The following SHANK2 variants were observed in gnomAD, a reference collection of about 807,000 sequenced individuals.
SHANK2 encodes the protein SH3 and multiple ankyrin repeat domains 2.
In SHANK2, 43 loss-of-function variants were observed where a neutral mutation model predicts 133.7. The observed-to-expected ratio is 0.32, with a 90% CI of 0.25 to 0.41. The LOEUF is 0.41. Ranked by LOEUF, SHANK2 falls within the 10% of genes least tolerant of loss-of-function variation. The pLI is 1.00. For synonymous variants in SHANK2, 1,017 were observed against 952.8 expected (o/e 1.07, Z -1.24); for missense variants, 1,994 against 2,235.8 (o/e 0.89, Z 2.18).
intron 17 of SHANK2, among the ~76,000 whole-genome samples, chr11:70,537,222 A>T (rs1315208410): frequency 6.6e-6 from 1 of 152,168 alleles, no homozygotes; most frequent in Non-Finnish European, 1.5e-5. Flanking sequence ...CGGAGGAGGG[A>T]AACCTCCCCC....
At chr11:70,763,100 T>C (rs920647618) in intron 14 of SHANK2, among the ~76,000 whole-genome samples, 2 of 152,268 alleles carry the variant, frequency 1.3e-5, no homozygotes, top group African/African-American at 2.4e-5. Context: ...GGGGAACTCA[T>C]TGGCTGTGCG....
intron 15 of SHANK2, among the ~76,000 whole-genome samples, chr11:70,677,192 T>A (rs1555017395): frequency 6.6e-6 from 1 of 152,082 alleles, no homozygotes; most frequent in Non-Finnish European, 1.5e-5. Context: ...ACCTGATGAG[T>A]GGATGTCTGA....
intron 14 of SHANK2, among the ~76,000 whole-genome samples, chr11:70,737,648 C>T (rs1591800263): frequency 1.3e-5 from 2 of 152,354 alleles, no homozygotes; most frequent in South Asian, 4.1e-4. Flanking sequence ...AGAGGGCAGC[C>T]CAGGCCCCAG....
At chr11:70,762,391 A>G (rs372531769) in intron 14 of SHANK2, among the ~76,000 whole-genome samples, 4 of 152,312 alleles carry the variant, frequency 2.6e-5, no homozygotes, top group East Asian at 1.9e-4. Context: ...CCAGACCAGC[A>G]GGATGCAGAG....
In SHANK2 at chr11:71,188,632, A is replaced by G. The variant is rs1953723363; in HGVS notation, c.-13+36065T>C. ...TGAAATTCACTGTGCCTATAACCCA[A>G]AGTCAAGATGAAACTGAGGTGTGGG... is the stretch of plus-strand genomic sequence containing the variant. On this transcript the variant is annotated intron_variant, in intron 2 of 25. Coordinates refer to ENST00000601538, the MANE Select transcript of SHANK2 (RefSeq NM_012309.5). The surrounding 1 kb of genome is among the most constrained non-coding windows in gnomAD (Gnocchi z 4.6). Among the ~76,000 whole-genome samples, 1 of 152,154 alleles carries G rather than the reference A, an allele frequency of 6.6e-6. No individual in the cohort carries two copies. Among genetic ancestry groups the G allele is most frequent in the Non-Finnish European group, 1.5e-5 (1 of 68,030 alleles).
chr11:70,767,078 G>A (rs1947138347), intron 14 of SHANK2, among the ~76,000 whole-genome samples: 1 of 152,188 alleles, frequency 6.6e-6, no homozygotes, highest in African/African-American at 2.4e-5. Context: ...GTTGCAGAGT[G>A]GGGACACAGA....
At chr11:71,194,350 T>G (rs1234278985) in intron 2 of SHANK2, among the ~76,000 whole-genome samples, 1 of 152,130 alleles carries the variant, frequency 6.6e-6, no homozygotes, top group Non-Finnish European at 1.5e-5. Flanking sequence ...AGCTGAGACC[T>G]GGGGACCTGG....
chr11:71,243,414 G>A (rs1178981518), intron 1 of SHANK2, among the ~76,000 whole-genome samples: 1 of 152,216 alleles, frequency 6.6e-6, no homozygotes, highest in Non-Finnish European at 1.5e-5. Flanking sequence ...AAGGAGTCAG[G>A]CCGGGCGTGG....
intron 17 of SHANK2, among the ~76,000 whole-genome samples, chr11:70,548,498 G>A (rs1591565061): frequency 6.6e-6 from 1 of 152,230 alleles, no homozygotes; most frequent in South Asian, 2.1e-4. Context: ...AGTTTAGTGG[G>A]AGGCTGGCCG....
chr11:71,072,950 A>G (rs1951161782), intron 9 of SHANK2, among the ~76,000 whole-genome samples: 1 of 151,990 alleles, frequency 6.6e-6, no homozygotes, highest in Admixed American at 6.6e-5. Context: ...AGATTAAGAG[A>G]GTTCTGGAGA....
chr11:70,727,752 G>T (rs1591791648), intron 14 of SHANK2, among the ~76,000 whole-genome samples: 1 of 152,216 alleles, frequency 6.6e-6, no homozygotes, highest in East Asian at 1.9e-4. Flanking sequence ...AAGGTCCCGG[G>T]TTGGGGGCCC....
chr11:70,639,906 G>C (rs1403299576), intron 17 of SHANK2, among the ~76,000 whole-genome samples: 1 of 152,182 alleles, frequency 6.6e-6, no homozygotes. Context: ...AGTGGACCCA[G>C]GGACGGCCCC....
chr11:71,087,608 CCATACG>C (rs1180122474), intron 8 of SHANK2, among the ~76,000 whole-genome samples: 2 of 152,128 alleles, frequency 1.3e-5, no homozygotes, highest in Non-Finnish European at 2.9e-5. Flanking sequence ...GCTTCGGGTC[CCATACG>C]CATTTAGCTG....
chr11:71,235,823 C>T (rs1489382548), intron 1 of SHANK2, among the ~76,000 whole-genome samples: 2 of 152,198 alleles, frequency 1.3e-5, no homozygotes, highest in Non-Finnish European at 2.9e-5. Context: ...CTATGTGACA[C>T]AGCCTGTGGG....
chr11:71,229,752 C>T lies in SHANK2; in HGVS notation c.-112-4956G>A, dbSNP rs191798384. On this transcript the variant is annotated intron_variant, in intron 1 of 25. Transcript: ENST00000601538. ...TCTAGCCTGGCAACAGAGTGAGACT[C>T]CATCTCAAAAAAGAAAAAAAAAAAA... 1.6e-3 allele frequency among the ~76,000 whole-genome samples: 223 copies of T among 136,206 alleles called. 1 individual carries two copies. Among genetic ancestry groups the T allele is most frequent in the African/African-American group, 6.2e-3 (210 of 34,122 alleles). The allele number at this position is 136,206 out of a possible 152,430, so 89.4% of individuals were successfully genotyped here. A position where few individuals can be genotyped will look rare whatever the true frequency, so the allele number is the denominator to read the frequency against.
At chr11:71,164,265 G>C (rs1311548357) in intron 2 of SHANK2, among the ~76,000 whole-genome samples, 65 of 152,196 alleles carry the variant, frequency 4.3e-4, no homozygotes, top group African/African-American at 1.4e-3. Flanking sequence ...TGGAGGGCTG[G>C]GGGATTAACT....
At chr11:70,899,259 T>C (rs1035878269) in intron 10 of SHANK2, among the ~76,000 whole-genome samples, 20 of 152,138 alleles carry the variant, frequency 1.3e-4, no homozygotes, top group African/African-American at 4.8e-4. Flanking sequence ...GTTCTCGTGA[T>C]AGTGAGTGAG....
At chr11:70,511,083 C>T (rs1159415032) in intron 17 of SHANK2, among the ~76,000 whole-genome samples, 5 of 151,564 alleles carry the variant, frequency 3.3e-5, no homozygotes, top group South Asian at 2.1e-4. Flanking sequence ...ACCTGCTCCC[C>T]GTGTGAAGGT....
chr11:71,181,068 A>C (rs1555113692), intron 2 of SHANK2, among the ~76,000 whole-genome samples: 1 of 152,050 alleles, frequency 6.6e-6, no homozygotes, highest in African/African-American at 2.4e-5. Context: ...AGAAGCTGGG[A>C]AAGAAACCAG....
Sources: allele counts gnomAD v4.1 joint callset (sites outside exome capture counted in the v4.1 genomes callset), GRCh38; gene constraint gnomAD v4.1.1; non-coding constraint Gnocchi (gnomAD v3.1); transcripts MANE v1.5; gene names NCBI Gene and HGNC (gene_info 2026-07-23, HGNC 2026-07-21).